The following CDH22 variants were observed in gnomAD, a reference collection of about 807,000 sequenced individuals.
CDH22 encodes cadherin-22.
Under a neutral mutation model 58.4 loss-of-function variants are expected in CDH22, and 30 were observed. The ratio of observed to expected loss-of-function variants is 0.51; its 90% confidence interval spans 0.38 to 0.70. The LOEUF is 0.70. Among genes scored for constraint, CDH22 ranks in the 30% least tolerant of loss-of-function variants. The pLI is 0.00. For missense variants in CDH22, 1,014 were observed against 1,233.9 expected (o/e 0.82, Z 2.67); for synonymous variants, 513 against 558.2 (o/e 0.92, Z 1.14).
intron 1 of CDH22, among the ~76,000 whole-genome samples, chr20:46,278,989 G>C (rs2086535301): frequency 6.6e-6 from 1 of 152,132 alleles, no homozygotes; most frequent in Non-Finnish European, 1.5e-5. Flanking sequence ...CACTGCTTGG[G>C]GGAGGGGGCA....
intron 5 of CDH22, among the ~76,000 whole-genome samples, chr20:46,213,560 G>A (rs1343760981): frequency 1.3e-5 from 2 of 152,166 alleles, no homozygotes; most frequent in African/African-American, 4.8e-5. Context: ...TTCCTCCTCT[G>A]TAAAATGGAA....
chr20:46,206,742 C>T (rs947126855), intron 7 of CDH22, among the ~76,000 whole-genome samples: 1 of 152,186 alleles, frequency 6.6e-6, no homozygotes, highest in Non-Finnish European at 1.5e-5. Context: ...AGCAGTTATT[C>T]CATTTAACCA....
At chr20:46,301,767 C>T (rs554608606) in intron 1 of CDH22, among the ~76,000 whole-genome samples, 70 of 152,114 alleles carry the variant, frequency 4.6e-4, no homozygotes, top group African/African-American at 1.4e-3. Flanking sequence ...ACCGAGATTG[C>T]GCCCTTGCAC....
intron 4 of CDH22, chr20:46,220,981 C>G (rs2086120303): frequency 6.5e-6 from 1 of 152,848 alleles, no homozygotes; most frequent in Admixed American, 6.5e-5. Context: ...TGTGCTTTGG[C>G]CAATAGGACA....
chr20:46,244,391 C>G (rs2086313728), intron 2 of CDH22, among the ~76,000 whole-genome samples: 2 of 152,208 alleles, frequency 1.3e-5, no homozygotes, highest in Non-Finnish European at 2.9e-5. Context: ...GTTGCCTGCC[C>G]TGCCTGCCTG....
chr20:46,208,932 C>G (rs141638170), intron 7 of CDH22, among the ~76,000 whole-genome samples: 1 of 152,228 alleles, frequency 6.6e-6, no homozygotes, highest in Non-Finnish European at 1.5e-5. Flanking sequence ...ATATTCAGCA[C>G]GTGTCCACTG....
At chr20:46,213,816 T>G (rs1156611745) in intron 5 of CDH22, among the ~76,000 whole-genome samples, 1 of 152,194 alleles carries the variant, frequency 6.6e-6, no homozygotes, top group Non-Finnish European at 1.5e-5. Context: ...TTCTAGACAC[T>G]GCGGTTACAG....
chr20:46,267,923 A>G (rs2425818), intron 1 of CDH22, among the ~76,000 whole-genome samples: 60,657 of 152,162 alleles, frequency 0.4, 12,621 homozygotes, highest in Middle Eastern at 0.6. Context: ...GGGAAGCAGG[A>G]CCACGTGGAG....
chr20:46,178,329 G>T lies in CDH22; in HGVS notation c.1664-132C>A, dbSNP rs568303199. ...CTACAGCCTCCCAATGGACTCATGG[G>T]TCTCTTCTCTGATCTCCCAAAATTC... On this transcript the variant is annotated intron_variant, in intron 10 of 11. Coordinates refer to ENST00000537909, the MANE Select transcript of CDH22 (RefSeq NM_021248.3). 1.5e-4 allele frequency: 146 copies of T among 974,892 alleles called. No individual in the cohort carries two copies. In the African/African-American group the frequency reaches 2.3e-3, roughly 16 times the overall value. 60.4% of individuals were successfully genotyped at this position (974,892 alleles called of 1,614,324 possible).
intron 4 of CDH22, among the ~76,000 whole-genome samples, chr20:46,227,133 A>G (rs2086180755): frequency 6.6e-6 from 1 of 152,100 alleles, no homozygotes; most frequent in Non-Finnish European, 1.5e-5. Flanking sequence ...CCCTTCCCCA[A>G]ACTACACTTG....
chr20:46,262,547 C>A (rs1042801893), intron 1 of CDH22, among the ~76,000 whole-genome samples: 1 of 152,208 alleles, frequency 6.6e-6, no homozygotes, highest in Non-Finnish European at 1.5e-5. Context: ...GCCTAGCGTT[C>A]ATTCATTACT....
At chr20:46,194,736 TA>T (rs1431952006) in intron 8 of CDH22, among the ~76,000 whole-genome samples, 1 of 152,200 alleles carries the variant, frequency 6.6e-6, no homozygotes, top group Admixed American at 6.5e-5. Context: ...CTATTATTAT[TA>T]ATTATTTTTT....
rs191304848 is a variant in CDH22, at chr20:46,243,778, C to A, written c.256-2521G>T. 8.1e-4 allele frequency among the ~76,000 whole-genome samples: 124 copies of A among 152,302 alleles called. 1 individual carries two copies. The highest frequency in any genetic ancestry group is 2.9e-3 in the African/African-American group (120 of 41,560). On this transcript the variant is annotated intron_variant, in intron 2 of 11. Coordinates refer to ENST00000537909, the MANE Select transcript of CDH22 (RefSeq NM_021248.3). ...TATTTCATCAGCAAACACTTCTGAGCAGTGTGGTAGAATAGATGCCATTTG... is the reference window on the plus strand; with the variant it reads ...TATTTCATCAGCAAACACTTCTGAGAAGTGTGGTAGAATAGATGCCATTTG...
rs1417517895 is a variant in CDH22, at chr20:46,216,527, G to A, written c.838+299C>T. Among the ~76,000 whole-genome samples, 1 of 152,208 alleles carries A rather than the reference G, an allele frequency of 6.6e-6. No individual in the cohort carries two copies. Among genetic ancestry groups the A allele is most frequent in the Non-Finnish European group, 1.5e-5 (1 of 68,040 alleles). On this transcript the variant is annotated intron_variant, in intron 5 of 11. Coordinates refer to ENST00000537909, the MANE Select transcript of CDH22 (RefSeq NM_021248.3). This position sits in a 1 kb window ranked among gnomAD's most constrained non-coding sequence, Gnocchi z 5.3. ...GTGAGGGGTTGGAGGATGGACGGAA[G>A]GGTGGATGGGTGGGGCTCCCCCTCT...
At chr20:46,289,243 T>C (rs192141177) in intron 1 of CDH22, among the ~76,000 whole-genome samples, 16 of 152,300 alleles carry the variant, frequency 1.1e-4, no homozygotes, top group African/African-American at 3.6e-4. Context: ...GCTGACCCCA[T>C]GCACCTTTCC....
rs150811356 is a variant in CDH22, at chr20:46,247,993, G to A, written c.255+3047C>T. Among the ~76,000 whole-genome samples the A allele has an allele frequency of 3.6e-4, 55 of 152,356 alleles. No individual in the cohort carries two copies. The East Asian group carries it at 6.6e-3, about 18-fold the overall frequency. On this transcript the variant is annotated intron_variant, in intron 2 of 11. Transcript: ENST00000537909. ...CAGAAAGGGCCCTGGGCCCAGCACA[G>A]TGCTTGGCTCCTGGCAGCTGCTTAA...
At chr20:46,217,479 C>T (rs2086094128) in intron 4 of CDH22, among the ~76,000 whole-genome samples, 1 of 152,080 alleles carries the variant, frequency 6.6e-6, no homozygotes, top group South Asian at 2.1e-4. Context: ...GAAACATTCA[C>T]AAACTCATAC....
intron 2 of CDH22, among the ~76,000 whole-genome samples, chr20:46,249,305 TA>T (rs2086353457): frequency 6.6e-6 from 1 of 152,174 alleles, no homozygotes. Context: ...TGCCCCATTC[TA>T]CCAGCGTCAC....
chr20:46,229,383 C>G (rs1639578219), intron 3 of CDH22, among the ~76,000 whole-genome samples: 1 of 151,802 alleles, frequency 6.6e-6, no homozygotes, highest in Non-Finnish European at 1.5e-5. Context: ...GAATTTGAAC[C>G]CGGGACTCTG....
Sources: gnomAD v4.1 joint callset for allele counts (sites outside exome capture counted in the v4.1 genomes callset) on GRCh38, gnomAD v4.1.1 for gene constraint, Gnocchi (gnomAD v3.1) non-coding constraint, MANE v1.5 for transcripts, NCBI Gene and HGNC (gene_info 2026-07-23, HGNC 2026-07-21) for gene names.